The following MINAR2 variants were observed in gnomAD, a reference collection of about 807,000 sequenced individuals.
The protein encoded by MINAR2 is membrane integral NOTCH2 associated receptor 2.
MINAR2 carries 21 observed loss-of-function variants against 16.1 expected under a neutral mutation model. The observed-to-expected ratio is 1.31, with a 90% CI of 0.93 to 1.88. MINAR2 has a LOEUF of 1.88. MINAR2 is among the 40% of genes most tolerant of loss of function. The probability of loss-of-function intolerance (pLI) is 0.00; values close to 1 mark genes in which losing one functional copy is unlikely to be tolerated. For synonymous variants in MINAR2, 86 were observed against 83.0 expected, an observed-to-expected ratio of 1.04 and a Z score of -0.20; for missense variants, 259 against 229.8, an observed-to-expected ratio of 1.13 and a Z score of -0.82.
intron 1 of MINAR2, among the ~76,000 whole-genome samples, chr5:129,752,500 C>A (rs1757997665): frequency 1.3e-5 from 2 of 152,160 alleles, no homozygotes; most frequent in African/African-American, 4.8e-5. Context: ...CATGTTCTCA[C>A]TCATAATAGG....
rs1758201340 is a variant in MINAR2, at chr5:129,765,556, A to G, written c.*493A>G. ...TAAAAATCTTCCAGTTGTGCTGCCA[A>G]CTGAGTTAGATTCATTCTCTGTTTT... On this transcript the variant is annotated 3_prime_UTR_variant, in exon 3 of 3. Coordinates refer to ENST00000564719, the MANE Select transcript of MINAR2 (RefSeq NM_001257308.2). The G allele has an allele frequency of 6.6e-6, 1 of 152,374 alleles. No individual in the cohort carries two copies. The allele number at this position is 152,374 out of a possible 1,614,324, so 9.4% of individuals were successfully genotyped here.
chr5:129,753,802 A>AAAGG (rs34971700), intron 1 of MINAR2, among the ~76,000 whole-genome samples: 26,552 of 150,894 alleles, frequency 0.18, 2,554 homozygotes, highest in East Asian at 0.29. Flanking sequence ...AGAGACAGAG[A>AAAGG]AAGGAAGGAA....
chr5:129,759,825 ACAG>A (rs1561685354), intron 1 of MINAR2, among the ~76,000 whole-genome samples: 1 of 151,666 alleles, frequency 6.6e-6, no homozygotes, highest in Non-Finnish European at 1.5e-5. Flanking sequence ...GAGCTATCTA[ACAG>A]TCAGTCTTTA....
chr5:129,749,951 A>C (rs1757966093), intron 1 of MINAR2, among the ~76,000 whole-genome samples: 1 of 152,240 alleles, frequency 6.6e-6, no homozygotes, highest in African/African-American at 2.4e-5. Flanking sequence ...AGGTCTTTGA[A>C]TATGTGTTGT....
At chr5:129,755,677 A>C (rs533770240) in intron 1 of MINAR2, among the ~76,000 whole-genome samples, 26 of 152,164 alleles carry the variant, frequency 1.7e-4, no homozygotes, top group African/African-American at 6.0e-4. Context: ...TTACATTCCT[A>C]ACTGGGTGCA....
chr5:129,756,277 A>G (rs1250672246), intron 1 of MINAR2, among the ~76,000 whole-genome samples: 1 of 152,044 alleles, frequency 6.6e-6, no homozygotes, highest in Non-Finnish European at 1.5e-5. Flanking sequence ...AAAGACATCC[A>G]TATATGTCAC....
chr5:129,749,183 A>G (rs1438811494), intron 1 of MINAR2, among the ~76,000 whole-genome samples: 1 of 152,210 alleles, frequency 6.6e-6, no homozygotes, highest in Non-Finnish European at 1.5e-5. Flanking sequence ...AACAGGAAGA[A>G]GCATTTCATT....
rs1286962355 is a variant in MINAR2, at chr5:129,765,133, C to T, written c.*70C>T. ...TTCTGATAAACATTTGAAACCCCCC[C>T]CACCAAAATAACAAAAAAACACATG... On this transcript the variant is annotated 3_prime_UTR_variant, in exon 3 of 3. Coordinates refer to ENST00000564719, the MANE Select transcript of MINAR2 (RefSeq NM_001257308.2). 5 of 910,818 alleles carry T rather than the reference C, an allele frequency of 5.5e-6. No individual in the cohort carries two copies. Among genetic ancestry groups the T allele is most frequent in the Non-Finnish European group, 7.3e-6 (5 of 686,010 alleles). 56.4% of individuals were successfully genotyped at this position (910,818 alleles called of 1,614,324 possible).
At chr5:129,757,576 C>T (rs996936699) in intron 1 of MINAR2, among the ~76,000 whole-genome samples, 2 of 151,730 alleles carry the variant, frequency 1.3e-5, no homozygotes, top group South Asian at 4.2e-4. Context: ...GATTTTCCAC[C>T]TGTATTCTTT....
chr5:129,760,547 G>T lies in MINAR2; in HGVS notation c.335G>T (p.Trp112Leu), dbSNP rs1758120488. Residue 112 changes from tryptophan (W) to leucine (L), a missense_variant, in exon 2 of 3, where the codon TGG (tryptophan) becomes TTG (leucine). Coordinates refer to ENST00000564719, the MANE Select transcript of MINAR2 (RefSeq NM_001257308.2). The stretch of plus-strand genomic sequence containing the variant: ...GAAGAAAGAAAAAAGAACCCCTCAT[G>T]GACCATTGAGGAATATGACAAACAT... ...AMEERKKNPS[W>L]TIEEYDKHSL... 6.5e-7 allele frequency: 1 copy of T among 1,535,420 alleles called. No individual in the cohort carries two copies. Among genetic ancestry groups the T allele is most frequent in the Non-Finnish European group, 8.7e-7 (1 of 1,146,498 alleles).
intron 2 of MINAR2, among the ~76,000 whole-genome samples, chr5:129,763,507 A>G (rs1446647068): frequency 6.6e-6 from 1 of 152,238 alleles, no homozygotes; most frequent in Non-Finnish European, 1.5e-5. Flanking sequence ...AAGGAAAGCT[A>G]TATGCAGAAT....
At chr5:129,753,517 G>A (rs993569265) in intron 1 of MINAR2, among the ~76,000 whole-genome samples, 2 of 150,102 alleles carry the variant, frequency 1.3e-5, no homozygotes, top group African/African-American at 2.5e-5. Flanking sequence ...ACTTTGGGAG[G>A]CCGAGGCGGG....
rs78334541 is a variant in MINAR2 at position 129,759,355 on chromosome 5, C to A, written c.166-1023C>A. 2.9e-3 allele frequency among the ~76,000 whole-genome samples: 442 copies of A among 152,138 alleles called. 2 individuals carry two copies. The highest frequency in any genetic ancestry group is 9.1e-3 in the African/African-American group (377 of 41,524). On this transcript the variant is annotated intron_variant, in intron 1 of 2. Coordinates refer to ENST00000564719, the MANE Select transcript of MINAR2 (RefSeq NM_001257308.2). The stretch of plus-strand genomic sequence containing the variant: ...TTATATGAAATCCCTCTCTTGATGT[C>A]CCATGACAAATGAAACATGACTCTA...
chr5:129,752,223 T>C (rs1322425733), intron 1 of MINAR2, among the ~76,000 whole-genome samples: 1 of 152,182 alleles, frequency 6.6e-6, no homozygotes, highest in Non-Finnish European at 1.5e-5. Context: ...CATTACTGGG[T>C]ATATACCCAA....
chr5:129,752,953 C>A (rs67003735), intron 1 of MINAR2, among the ~76,000 whole-genome samples: 7,995 of 152,010 alleles, frequency 0.053, 323 homozygotes, highest in African/African-American at 0.11. Context: ...AGGCTAAGGG[C>A]GAGAGGCTGC....
At chr5:129,749,423 T>A (rs1264068354) in intron 1 of MINAR2, among the ~76,000 whole-genome samples, 2 of 152,186 alleles carry the variant, frequency 1.3e-5, no homozygotes, top group African/African-American at 4.8e-5. Context: ...CCTCCACCTA[T>A]AAGGATTTTA....
rs1412739179 is a variant in MINAR2 at position 129,760,490 on chromosome 5, T to C, written c.278T>C (p.Leu93Pro). ...SMSSVMKNNPLYGDLSLEEAM... is the reference protein window; with the variant it reads ...SMSSVMKNNPPYGDLSLEEAM... ...TCATCAGTTATGAAGAATAACCCAC[T>C]CTATGGTGACCTAAGTTTGGAGGAA... The change falls in exon 2 of 3, where the codon CTC becomes CCC. Residue 93 changes from leucine (L) to proline (P), a missense_variant. By Grantham distance (98) the Leu-to-Pro change is moderately conservative. Coordinates refer to ENST00000564719, the MANE Select transcript of MINAR2 (RefSeq NM_001257308.2). The C allele has an allele frequency of 2.0e-6, 3 of 1,535,722 alleles. No homozygotes were observed. The highest frequency in any genetic ancestry group is 1.4e-5 in the African/African-American group (1 of 73,106).
intron 1 of MINAR2, among the ~76,000 whole-genome samples, chr5:129,751,963 G>T (rs186080435): frequency 6.6e-6 from 1 of 151,836 alleles, no homozygotes; most frequent in Admixed American, 6.6e-5. Flanking sequence ...GCCAACAAAC[G>T]TGAAAAAAAG....
At chr5:129,760,166 G>C (rs1369315028) in intron 1 of MINAR2, among the ~76,000 whole-genome samples, 1 of 152,122 alleles carries the variant, frequency 6.6e-6, no homozygotes, top group Non-Finnish European at 1.5e-5. Context: ...TGAATGATTA[G>C]TAAAGCTGTT....
Sources: gnomAD v4.1 joint callset for allele counts (sites outside exome capture counted in the v4.1 genomes callset) on GRCh38, gnomAD v4.1.1 for gene constraint, MANE v1.5 for transcripts, NCBI Gene and HGNC (gene_info 2026-07-23, HGNC 2026-07-21) for gene names.